Variants in SRGAP3 observed in about 807,000 individuals in gnomAD.
SRGAP3 encodes the protein SLIT-ROBO Rho GTPase-activating protein 3.
SRGAP3 carries 39 observed loss-of-function variants against 121.1 expected under a neutral mutation model. The ratio of observed to expected loss-of-function variants is 0.32; its 90% confidence interval spans 0.25 to 0.42. The LOEUF (loss-of-function observed/expected upper bound fraction) is 0.42. Among genes scored for constraint, SRGAP3 ranks in the 10% least tolerant of loss-of-function variants. The pLI is 1.00. For missense variants in SRGAP3, 1,213 were observed against 1,470.6 expected (o/e 0.82, Z 2.86); for synonymous variants, 601 against 570.0 (o/e 1.05, Z -0.77).
At chr3:9,320,974 G>T (rs551566060) in intron 3 of SRGAP3, among the ~76,000 whole-genome samples, 2 of 151,744 alleles carry the variant, frequency 1.3e-5, no homozygotes, top group African/African-American at 4.8e-5. Flanking sequence ...TCTAATTACT[G>T]CCCTTTGAAA....
intron 1 of SRGAP3, among the ~76,000 whole-genome samples, chr3:9,176,979 A>G (rs1951200868): frequency 1.3e-5 from 2 of 152,202 alleles, no homozygotes; most frequent in Non-Finnish European, 2.9e-5. Context: ...TTATCAGGAG[A>G]GCTGGCCTGG....
At chr3:9,104,296 G>C (rs1414997692) in intron 3 of SRGAP3, among the ~76,000 whole-genome samples, 11 of 152,162 alleles carry the variant, frequency 7.2e-5, no homozygotes. Context: ...ATTTGCGTTT[G>C]TACACGAGAA....
intron 1 of SRGAP3, among the ~76,000 whole-genome samples, chr3:9,149,228 A>AG (rs1950130054): frequency 6.6e-6 from 1 of 151,706 alleles, no homozygotes; most frequent in Admixed American, 6.6e-5. Flanking sequence ...AAAAAAAAAA[A>AG]AAAGAAAAGA....
intron 1 of SRGAP3, among the ~76,000 whole-genome samples, chr3:9,356,619 C>T (rs575984230): frequency 9.2e-5 from 14 of 151,946 alleles, no homozygotes; most frequent in East Asian, 5.8e-4. Flanking sequence ...GTGATCCGCC[C>T]GCCTCAGCCT....
chr3:9,146,890 G>C (rs1201456475), intron 1 of SRGAP3, among the ~76,000 whole-genome samples: 1 of 152,180 alleles, frequency 6.6e-6, no homozygotes, highest in African/African-American at 2.4e-5. Flanking sequence ...GATGCCTCTG[G>C]AGACCTGACG....
intron 4 of SRGAP3, among the ~76,000 whole-genome samples, chr3:9,077,228 C>G (rs966513529): frequency 6.6e-6 from 1 of 151,654 alleles, no homozygotes; most frequent in African/African-American, 2.4e-5. Context: ...GTATTCATCC[C>G]TCCCTCCTCC....
chr3:9,240,122 CT>C (rs1442950605), intron 1 of SRGAP3, among the ~76,000 whole-genome samples: 2 of 152,050 alleles, frequency 1.3e-5, no homozygotes, highest in African/African-American at 2.4e-5. Context: ...CACACAACTA[CT>C]TTTTTTTCAC....
chr3:9,327,501 T>G lies in SRGAP3; in HGVS notation n.284-1333A>C, dbSNP rs150648480. 8.0e-3 allele frequency among the ~76,000 whole-genome samples: 1,221 copies of G among 152,370 alleles called. 28 individuals carry two copies. The highest frequency in any genetic ancestry group is 4.2e-3 in the Non-Finnish European group (287 of 68,034). On this transcript the variant is annotated intron_variant and non_coding_transcript_variant, in intron 2 of 3. Coordinates refer to the SRGAP3 transcript ENST00000490889. ...ACACCTTGCATGTAAACCTATTTTTTCAGTAGTCTCAACTACATATTACAA... is the reference window on the plus strand; with the variant it reads ...ACACCTTGCATGTAAACCTATTTTTGCAGTAGTCTCAACTACATATTACAA...
chr3:9,248,802 CG>C (rs1421760941), intron 1 of SRGAP3, 82 bp downstream of exon 1: 3 of 1,374,406 alleles, frequency 2.2e-6, no homozygotes, highest in East Asian at 4.6e-5. Context: ...GAGAGGAAAA[CG>C]GGGGGCAGCG....
At position 9,248,938 on chromosome 3, in the gene SRGAP3, G is replaced by C; in HGVS notation, c.14C>G (p.Thr5Ser). 6.2e-7 allele frequency: 1 copy of C among 1,614,178 alleles called. No homozygotes were observed. The highest frequency in any genetic ancestry group is 8.5e-7 in the Non-Finnish European group (1 of 1,180,034). MSSQ[T>S]KFKKDKEIIA... ...GATCTCTTTGTCTTTCTTGAACTTAGTTTGAGATGACATCTTCTGACGTGG... is the reference window on the plus strand; with the variant it reads ...GATCTCTTTGTCTTTCTTGAACTTACTTTGAGATGACATCTTCTGACGTGG... Residue 5 changes from threonine (T) to serine (S), a missense_variant, in exon 1 of 22, where the codon ACT (threonine) becomes AGT (serine). Physicochemically the swap from Thr to Ser is moderately conservative, Grantham distance 58. Around this residue, in one of 2 missense-constraint regions of SRGAP3, gnomAD observed 793 missense variants for 1,032.9 expected, o/e 0.77. Transcript: ENST00000383836.
chr3:8,985,431 G>T lies in SRGAP3; in HGVS notation c.*88C>A. ...CGGACCTCTGCCCTCCAAGGCCAGG[G>T]TCACTGGGAAGCACGTGGAAGCCAC... On this transcript the variant is annotated 3_prime_UTR_variant, in exon 22 of 22. Transcript: ENST00000383836. The surrounding 1 kb of genome is among the most constrained non-coding windows in gnomAD (Gnocchi z 5.1). The T allele has an allele frequency of 1.3e-6, 2 of 1,575,518 alleles. No homozygotes were observed. Among genetic ancestry groups the T allele is most frequent in the Non-Finnish European group, 1.7e-6 (2 of 1,168,088 alleles).
intron 11 of SRGAP3, chr3:9,037,067 C>A (rs1241779393): frequency 2.6e-5 from 4 of 152,168 alleles, no homozygotes; most frequent in African/African-American, 9.7e-5. Context: ...CAACTCCCTT[C>A]CCAAGGAGCA....
chr3:9,357,661 C>T (rs1390693180), intron 1 of SRGAP3, among the ~76,000 whole-genome samples: 1 of 150,706 alleles, frequency 6.6e-6, no homozygotes, highest in South Asian at 2.1e-4. Context: ...TTGCAAGGAA[C>T]AGTGTCTGAC....
intron 1 of SRGAP3, among the ~76,000 whole-genome samples, chr3:9,133,621 T>C (rs1345168713): frequency 6.6e-6 from 1 of 152,222 alleles, no homozygotes; most frequent in East Asian, 1.9e-4. Flanking sequence ...TTTAGGTTGT[T>C]TATAATCTTT....
chr3:9,221,273 G>A (rs905719254), intron 1 of SRGAP3, among the ~76,000 whole-genome samples: 3 of 152,204 alleles, frequency 2.0e-5, no homozygotes, highest in Non-Finnish European at 4.4e-5. Context: ...GCTCATGCTT[G>A]TCATTCCAGC....
intron 2 of SRGAP3, among the ~76,000 whole-genome samples, chr3:9,118,529 G>A (rs17050048): frequency 0.029 from 4,427 of 152,294 alleles, 122 homozygotes; most frequent in South Asian, 0.09. Context: ...GCTTGGAGAG[G>A]GCAGTGGATT....
chr3:9,268,343 C>A (rs1027060663), intron 3 of SRGAP3, among the ~76,000 whole-genome samples: 1 of 150,812 alleles, frequency 6.6e-6, no homozygotes, highest in Non-Finnish European at 1.5e-5. Flanking sequence ...TCTCTTCCCC[C>A]CTCTCTCTTC....
intron 18 of SRGAP3, among the ~76,000 whole-genome samples, chr3:9,002,488 A>T (rs113813708): frequency 5.3e-5 from 8 of 152,238 alleles, no homozygotes; most frequent in Non-Finnish European, 1.2e-4. Flanking sequence ...AGGGAAAAAA[A>T]CCCAAACCTC....
chr3:9,247,624 G>T (rs2125246136), intron 1 of SRGAP3, among the ~76,000 whole-genome samples: 1 of 152,324 alleles, frequency 6.6e-6, no homozygotes, highest in Non-Finnish European at 1.5e-5. Flanking sequence ...AGTTGCAGCA[G>T]CGCCCAGAAG....
Sources: gnomAD v4.1 joint callset for allele counts (sites outside exome capture counted in the v4.1 genomes callset) on GRCh38, gnomAD v4.1.1 for gene constraint, gnomAD v4.1.1 regional missense constraint, Gnocchi (gnomAD v3.1) non-coding constraint, MANE v1.5 for transcripts, NCBI Gene and HGNC (gene_info 2026-07-23, HGNC 2026-07-21) for gene names.